The following ART3 variants were observed in gnomAD, a reference collection of about 807,000 sequenced individuals.
ART3 encodes ADP-ribosyltransferase 3 (inactive).
ART3 carries 49 observed loss-of-function variants against 48.5 expected under a neutral mutation model. The observed-to-expected ratio is 1.01, with a 90% CI of 0.80 to 1.28. The LOEUF is 1.28. ART3 is among the 50% of genes most tolerant of loss of function. The pLI is 0.00. For synonymous variants in ART3, 145 were observed against 157.2 expected (o/e 0.92, Z 0.58); for missense variants, 438 against 454.3 (o/e 0.96, Z 0.33).
chr4:76,036,864 C>G (rs1389160097), intron 1 of ART3: 11 of 230,758 alleles, frequency 4.8e-5, no homozygotes, highest in Admixed American at 2.2e-4. Flanking sequence ...ATTTGAGGGC[C>G]TGTTTGACCT....
intron 1 of ART3, among the ~76,000 whole-genome samples, chr4:76,045,722 T>G (rs1429020069): frequency 6.6e-6 from 1 of 151,986 alleles, no homozygotes; most frequent in Non-Finnish European, 1.5e-5. Context: ...TGCCTCTGGT[T>G]CCCTTTCAAC....
At chr4:76,056,355 G>A (rs536908386) in intron 1 of ART3, among the ~76,000 whole-genome samples, 1 of 152,304 alleles carries the variant, frequency 6.6e-6, no homozygotes, top group African/African-American at 2.4e-5. Context: ...ACCTCTACCT[G>A]TGGGGTCTTC....
At chr4:76,102,411 TG>T (rs1727529551) in intron 8 of ART3, among the ~76,000 whole-genome samples, 1 of 152,196 alleles carries the variant, frequency 6.6e-6, no homozygotes, top group African/African-American at 2.4e-5. Flanking sequence ...ATTTTTAGTC[TG>T]GTCTGTTGGG....
chr4:76,098,200 C>CAAAAAAAAA, intron 4 of ART3, among the ~76,000 whole-genome samples: 1 of 128,010 alleles, frequency 7.8e-6, no homozygotes, highest in African/African-American at 2.9e-5. Context: ...AGGATGTGAC[C>CAAAAAAAAA]AAAAAAAAAA....
chr4:76,070,870 G>A (rs1303959347), upstream of ART3, among the ~76,000 whole-genome samples: 3 of 151,782 alleles, frequency 2.0e-5, no homozygotes, highest in Non-Finnish European at 4.4e-5. Context: ...CTTTCCTCCT[G>A]TTCATATTAG....
chr4:76,051,172 C>G (rs555959779), intron 1 of ART3, among the ~76,000 whole-genome samples: 6 of 152,366 alleles, frequency 3.9e-5, no homozygotes, highest in Non-Finnish European at 5.9e-5. Context: ...GAGGAGGTGC[C>G]GAGAGCAAGC....
rs770692289 is a variant in ART3 at position 76,081,908 on chromosome 4, G to T, written c.154G>T (p.Val52Phe). 6.2e-7 allele frequency: 1 copy of T among 1,614,014 alleles called. No individual in the cohort carries two copies. The change falls in exon 3 of 12, where the codon GTT becomes TTT. Residue 52 changes from valine to phenylalanine, a missense_variant. By Grantham distance (50) the Val-to-Phe change is conservative. Around this residue, in one of 3 missense-constraint regions of ART3, gnomAD observed 206 missense variants for 205.3 expected, o/e 1.00. Coordinates refer to ENST00000355810, the MANE Select transcript of ART3 (RefSeq NM_001130016.3). ...TACGGACAGGATGGAAATTAAATAC[G>T]TTCCCCAACTGCTAAAGGAGGAAAA... ...KCTDRMEIKY[V>F]PQLLKEEKAS...
intron 1 of ART3, chr4:76,023,353 T>C (rs1457494294): frequency 1.3e-6 from 2 of 1,583,172 alleles, no homozygotes; most frequent in Non-Finnish European, 1.7e-6. Flanking sequence ...AAATTAAGTA[T>C]CCTTTGATGT....
intron 1 of ART3, among the ~76,000 whole-genome samples, chr4:76,043,627 A>G (rs6850104): frequency 0.62 from 93,390 of 151,554 alleles, 30,111 homozygotes; most frequent in East Asian, 0.94. Context: ...CAGCTGGCCC[A>G]CAAGCGCTGT....
At chr4:76,109,205 T>G (rs953524286) in intron 11 of ART3, among the ~76,000 whole-genome samples, 2 of 152,120 alleles carry the variant, frequency 1.3e-5, no homozygotes. Flanking sequence ...TACAAAAATA[T>G]TTTTTCTTTA....
chr4:76,030,788 A>G (rs758737884), intron 1 of ART3, among the ~76,000 whole-genome samples: 2 of 152,184 alleles, frequency 1.3e-5, no homozygotes, highest in Non-Finnish European at 2.9e-5. Context: ...AGGTTCATCC[A>G]TGTTGTAGCA....
At position 76,084,324 on chromosome 4, in the gene ART3, C is replaced by T. The variant is rs530546078; in HGVS notation, c.781+1789C>T. On this transcript the variant is annotated intron_variant, in intron 3 of 11. Coordinates refer to ENST00000355810, the MANE Select transcript of ART3 (RefSeq NM_001130016.3). ...GGGGATGGGGGTTCTGCAGAAGTTT[C>T]GGAGAAATGGTCCACTAAAGAAAAT... 3.3e-5 allele frequency among the ~76,000 whole-genome samples: 5 copies of T among 152,194 alleles called. 1 individual carries two copies. Among genetic ancestry groups the T allele is most frequent in the South Asian group, 4.1e-4 (2 of 4,826 alleles).
chr4:76,035,943 A>C, intron 1 of ART3: 1 of 1,613,850 alleles, frequency 6.2e-7, no homozygotes, highest in Non-Finnish European at 8.5e-7. Context: ...CAACTGTAGC[A>C]CACAATATCA....
chr4:76,022,335 G>A, intron 1 of ART3: 2 of 1,559,508 alleles, frequency 1.3e-6, no homozygotes, highest in Non-Finnish European at 1.8e-6. Flanking sequence ...TTCCTAAAGA[G>A]CAATTCTTCT....
intron 1 of ART3, chr4:76,021,424 A>G (rs953933800): frequency 1.3e-5 from 2 of 153,908 alleles, no homozygotes; most frequent in Admixed American, 1.3e-4. Context: ...AGATATTTCT[A>G]CCTTCCTGTA....
At chr4:76,102,423 G>A (rs891424107) in intron 8 of ART3, among the ~76,000 whole-genome samples, 19 of 152,068 alleles carry the variant, frequency 1.2e-4, no homozygotes, top group African/African-American at 4.6e-4. Flanking sequence ...GTCTGTTGGG[G>A]CCTTCTGCAG....
At chr4:76,047,248 G>C (rs1380862867) in intron 1 of ART3, among the ~76,000 whole-genome samples, 1 of 151,960 alleles carries the variant, frequency 6.6e-6, no homozygotes, top group Non-Finnish European at 1.5e-5. Context: ...AACCACCAAG[G>C]CTTGTTTGTC....
At chr4:76,076,340 A>G (rs1454967084) in intron 2 of ART3, among the ~76,000 whole-genome samples, 1 of 151,524 alleles carries the variant, frequency 6.6e-6, no homozygotes, top group African/African-American at 2.4e-5. Context: ...TACCTGAGGC[A>G]TCTGTGTGGC....
chr4:76,043,808 C>T (rs1329744369), intron 1 of ART3, among the ~76,000 whole-genome samples: 1 of 151,292 alleles, frequency 6.6e-6, no homozygotes, highest in Non-Finnish European at 1.5e-5. Flanking sequence ...GTACCAAGAG[C>T]AAGCGAGGGC....
Sources: allele counts gnomAD v4.1 joint callset (sites outside exome capture counted in the v4.1 genomes callset), GRCh38; gene constraint gnomAD v4.1.1; regional missense constraint gnomAD v4.1.1; transcripts MANE v1.5; gene names NCBI Gene and HGNC (gene_info 2026-07-23, HGNC 2026-07-21).